The following PTPRG variants were observed in gnomAD, a reference collection of about 807,000 sequenced individuals.
PTPRG encodes receptor-type tyrosine-protein phosphatase gamma.
A neutral mutation model predicts 165.3 loss-of-function variants in PTPRG; 102 were observed. That is an observed-to-expected ratio of 0.62 (90% CI 0.53 to 0.73). PTPRG has a LOEUF of 0.73. PTPRG is among the 30% of genes least tolerant of loss of function. The pLI, the probability that PTPRG is intolerant of heterozygous loss-of-function variation, is 0.00. For synonymous variants in PTPRG, 675 were observed against 669.5 expected, an observed-to-expected ratio of 1.01 and a Z score of -0.13; for missense variants, 1,866 against 1,861.4, an observed-to-expected ratio of 1.00 and a Z score of -0.05.
intron 1 of PTPRG, among the ~76,000 whole-genome samples, chr3:61,748,462 A>T (rs1179578945): frequency 6.6e-6 from 1 of 152,238 alleles, no homozygotes; most frequent in African/African-American, 2.4e-5. Context: ...TTATACATGC[A>T]GTTGGAACCG....
At chr3:62,047,099 C>T (rs1700317687) in intron 4 of PTPRG, among the ~76,000 whole-genome samples, 1 of 152,128 alleles carries the variant, frequency 6.6e-6, no homozygotes, top group Non-Finnish European at 1.5e-5. Context: ...AGCTTCATTT[C>T]AAATTTCAAT....
chr3:62,098,564 A>G (rs1295041294), intron 5 of PTPRG, among the ~76,000 whole-genome samples: 1 of 152,094 alleles, frequency 6.6e-6, no homozygotes, highest in African/African-American at 2.4e-5. Context: ...CTGGCCATTA[A>G]AAAAAACAGA....
intron 2 of PTPRG, among the ~76,000 whole-genome samples, chr3:61,951,048 C>T (rs749718735): frequency 2.6e-5 from 4 of 152,182 alleles, no homozygotes; most frequent in Non-Finnish European, 4.4e-5. Flanking sequence ...ATATCATTTT[C>T]GTAAGCAGTA....
At chr3:61,750,962 G>A (rs1361672400) in intron 2 of PTPRG, 1 of 152,198 alleles carries the variant, frequency 6.6e-6, no homozygotes, top group Admixed American at 6.5e-5. Flanking sequence ...TTGAGGAATT[G>A]CTTGGAAGGA....
chr3:62,172,471 A>T (rs1183728805), intron 8 of PTPRG, among the ~76,000 whole-genome samples: 1 of 152,176 alleles, frequency 6.6e-6, no homozygotes, highest in African/African-American at 2.4e-5. Flanking sequence ...ATCAGTTTAT[A>T]GTTCTGATTT....
chr3:61,782,072 T>A (rs988033580), intron 2 of PTPRG, among the ~76,000 whole-genome samples: 1 of 152,200 alleles, frequency 6.6e-6, no homozygotes, highest in Non-Finnish European at 1.5e-5. Flanking sequence ...CCTCATTGAA[T>A]GGGTATAATC....
intron 24 of PTPRG, chr3:62,276,322 T>TA (rs1384776171): frequency 6.2e-6 from 1 of 161,062 alleles, no homozygotes; most frequent in Admixed American, 6.4e-5. Context: ...TATTATAACA[T>TA]AAAAAATAAT....
Position 62,106,503 on chromosome 3 carries a change from CTTT to C in PTPRG, c.616-26084_616-26082del, listed in dbSNP as rs149641730. Among the ~76,000 whole-genome samples, 390 of 118,516 alleles carry C rather than the reference CTTT, an allele frequency of 3.3e-3. 1 individual carries two copies. The highest frequency in any genetic ancestry group is 9.4e-3 in the Middle Eastern group (2 of 212). The allele number at this position is 118,516 out of a possible 152,430, so 77.8% of individuals were successfully genotyped here. On this transcript the variant is annotated intron_variant, in intron 5 of 29. Transcript: ENST00000474889. ...TTGGTCCCCTGCAAACTCTTAAAGG[CTTT>C]TTTTTTTTTTTTTTGGCTTGATCTC...
intron 8 of PTPRG, among the ~76,000 whole-genome samples, chr3:62,176,960 G>C (rs1705449264): frequency 6.6e-6 from 1 of 151,982 alleles, no homozygotes; most frequent in African/African-American, 2.4e-5. Context: ...CTATTTCCTT[G>C]CCTCTAAAAT....
intron 2 of PTPRG, among the ~76,000 whole-genome samples, chr3:61,961,095 G>A (rs145206053): frequency 6.6e-6 from 1 of 152,240 alleles, no homozygotes; most frequent in South Asian, 2.1e-4. Flanking sequence ...AAAAACTTTG[G>A]CATCAACATC....
rs1168636887 is a variant in PTPRG at position 61,818,643 on chromosome 3, A to C, written c.190+69661A>C. On this transcript the variant is annotated intron_variant, in intron 2 of 29. Transcript: ENST00000474889. Reference sequence around the variant, plus strand: ...CGTGGCACTGTACTCCAGCCTAGACAATAGAGCAAGAAGACCCTGTCTCCA... The same window carrying C: ...CGTGGCACTGTACTCCAGCCTAGACCATAGAGCAAGAAGACCCTGTCTCCA... Among the ~76,000 whole-genome samples, 5 of 152,216 alleles carry C rather than the reference A, an allele frequency of 3.3e-5. No individual in the cohort carries two copies. The South Asian group carries it at 6.2e-4, about 19-fold the overall frequency.
intron 4 of PTPRG, among the ~76,000 whole-genome samples, chr3:62,076,890 A>G (rs1029097601): frequency 6.6e-6 from 1 of 152,178 alleles, no homozygotes; most frequent in East Asian, 1.9e-4. Flanking sequence ...TGTTCTCTGC[A>G]TCTTTTTAAA....
intron 8 of PTPRG, among the ~76,000 whole-genome samples, chr3:62,187,171 A>G (rs758678787): frequency 1.3e-5 from 2 of 152,258 alleles, no homozygotes; most frequent in Non-Finnish European, 2.9e-5. Flanking sequence ...AGATAATTAC[A>G]GATCGTCAAT....
intron 2 of PTPRG, among the ~76,000 whole-genome samples, chr3:61,905,111 G>C (rs1279626805): frequency 6.6e-6 from 1 of 152,076 alleles, no homozygotes; most frequent in Non-Finnish European, 1.5e-5. Context: ...ATAGATATTT[G>C]AAAATCAGAT....
At chr3:61,780,199 C>G (rs1462512988) in intron 2 of PTPRG, among the ~76,000 whole-genome samples, 4 of 152,194 alleles carry the variant, frequency 2.6e-5, no homozygotes, top group African/African-American at 9.7e-5. Flanking sequence ...CAAGTGATGA[C>G]AAGTTACTTG....
Position 62,099,470 on chromosome 3 carries a change from C to G in PTPRG, c.615+21212C>G, listed in dbSNP as rs535877423. ...ATTGTTAGGAAAAAAACACAAATGCCCAACATTTTGGAAATTATTAAATAA... is the reference window on the plus strand; with the variant it reads ...ATTGTTAGGAAAAAAACACAAATGCGCAACATTTTGGAAATTATTAAATAA... On this transcript the variant is annotated intron_variant, in intron 5 of 29. Transcript: ENST00000474889. Among the ~76,000 whole-genome samples the G allele has an allele frequency of 6.6e-5, 10 of 152,026 alleles. 1 individual carries two copies. In the South Asian group the frequency reaches 2.1e-3, roughly 32 times the overall value.
chr3:61,744,014 G>A (rs1718704), intron 1 of PTPRG, among the ~76,000 whole-genome samples: 92,790 of 151,950 alleles, frequency 0.61, 29,257 homozygotes, highest in Middle Eastern at 0.71. Flanking sequence ...TTGCCACACC[G>A]CCTTTGGTTG....
At chr3:62,251,609 C>T (rs1211516523) in intron 15 of PTPRG, among the ~76,000 whole-genome samples, 1 of 151,930 alleles carries the variant, frequency 6.6e-6, no homozygotes. Flanking sequence ...GCACTCCAAC[C>T]AGCCTGGGTG....
Position 62,275,966 on chromosome 3 carries a change from T to TG in PTPRG, c.3559+1dup. The TG allele has an allele frequency of 6.3e-7, 1 of 1,599,304 alleles. No individual in the cohort carries two copies. The highest frequency in any genetic ancestry group is 8.6e-7 in the Non-Finnish European group (1 of 1,168,032). On this transcript the variant is annotated frameshift_variant and splice_region_variant. Coordinates refer to ENST00000474889, the MANE Select transcript of PTPRG (RefSeq NM_002841.4). LOFTEE classifies it high-confidence loss of function. ...GAACAGAAACTCTTCAGTTGTGCCATGTAAGACTTTAAAACAGTTTGTTAG... is the reference window on the plus strand; with the variant it reads ...GAACAGAAACTCTTCAGTTGTGCCATGGTAAGACTTTAAAACAGTTTGTTAG...
Sources: gnomAD v4.1 joint callset for allele counts (sites outside exome capture counted in the v4.1 genomes callset) on GRCh38, gnomAD v4.1.1 for gene constraint, MANE v1.5 for transcripts, NCBI Gene and HGNC (gene_info 2026-07-23, HGNC 2026-07-21) for gene names.